NTAN1: variants seen among roughly 807,000 people sequenced by gnomAD.
NTAN1 encodes protein N-terminal asparagine amidohydrolase.
Under a neutral mutation model 41.9 loss-of-function variants are expected in NTAN1, and 32 were observed. That is an observed-to-expected ratio of 0.76 (90% confidence interval 0.58 to 1.03). NTAN1 has a LOEUF of 1.03. NTAN1 is among the 50% of genes least tolerant of loss of function. The probability of loss-of-function intolerance (pLI) is 0.00; values close to 1 mark genes in which losing one functional copy is unlikely to be tolerated. For missense variants in NTAN1, 377 were observed against 377.5 expected, an observed-to-expected ratio of 1.00 and a Z score of 0.01; for synonymous variants, 140 against 139.5, an observed-to-expected ratio of 1.00 and a Z score of -0.03.
intron 7 of NTAN1, chr16:15,040,335 C>T (rs1237865309): frequency 2.6e-6 from 1 of 390,848 alleles, no homozygotes; most frequent in African/African-American, 2.1e-5. Flanking sequence ...GCCATTCCTT[C>T]AGTCGGACAT....
intron 1 of NTAN1, among the ~76,000 whole-genome samples, chr16:15,051,135 G>C (rs1287695013): frequency 1.3e-5 from 2 of 152,232 alleles, no homozygotes; most frequent in African/African-American, 4.8e-5. Flanking sequence ...GGGAAGGGAA[G>C]AGAAGGGAGG....
chr16:15,040,216 G>T, intron 7 of NTAN1, 150 bp from the exon 8 acceptor site: 1 of 445,276 alleles, frequency 2.2e-6, no homozygotes, highest in Non-Finnish European at 4.0e-6. Flanking sequence ...TCCCTGGAGG[G>T]GGAAAATGCA....
chr16:15,048,106 A>G lies in NTAN1; in HGVS notation c.82-7T>C. On this transcript the variant is annotated splice_polypyrimidine_tract_variant and splice_region_variant and intron_variant, in intron 1 of 9. Coordinates refer to ENST00000287706, the MANE Select transcript of NTAN1 (RefSeq NM_173474.4). ...TGAGAAGTCTGGCTCTTTCCTGTTT[A>G]ATTAAAAAAAAAATAAAATAGTGAT... 1.3e-6 allele frequency: 2 copies of G among 1,551,976 alleles called. No individual in the cohort carries two copies. The highest frequency in any genetic ancestry group is 1.8e-6 in the Non-Finnish European group (2 of 1,137,352).
intron 7 of NTAN1, among the ~76,000 whole-genome samples, chr16:15,040,829 A>G (rs1240430615): frequency 1.3e-5 from 2 of 152,040 alleles, no homozygotes; most frequent in Admixed American, 6.6e-5. Flanking sequence ...TGTCCTTTCT[A>G]TTTGCTACCA....
rs775539900 is a variant in NTAN1 at position 15,039,998 on chromosome 16, G to A, written c.610C>T (p.Arg204Cys). The change falls in exon 8 of 10, where the codon CGT becomes TGT. Residue 204 changes from arginine to cysteine, a missense_variant. Arg to Cys is a radical substitution (Grantham distance 180, BLOSUM62 -3). Transcript: ENST00000287706. ...FQDRGPEEQL[R>C]AARTLAGGPM... ...CCTCCTGCTAAAGTTCGCGCAGCAC[G>A]AAGCTGCTCCTCCGGACCCCGATCT... The A allele has an allele frequency of 3.1e-6, 5 of 1,609,734 alleles. No individual in the cohort carries two copies. The highest frequency in any genetic ancestry group is 1.3e-5 in the African/African-American group (1 of 74,754).
At chr16:15,054,060 C>G (rs1053218047) in intron 1 of NTAN1, among the ~76,000 whole-genome samples, 4 of 152,336 alleles carry the variant, frequency 2.6e-5, no homozygotes, top group African/African-American at 9.6e-5. Context: ...CCATGCTTCC[C>G]CTCCTCACCC....
chr16:15,040,116 A>G (rs775422087), intron 7 of NTAN1, 50 bp from the exon 8 acceptor site: 1 of 1,007,034 alleles, frequency 9.9e-7, no homozygotes, highest in Admixed American at 1.8e-5. Flanking sequence ...CCAAAGCGGA[A>G]AGTCTGCACA....
chr16:15,043,227 A>G lies in NTAN1; in HGVS notation c.433+1107T>C, dbSNP rs764974080. Among the ~76,000 whole-genome samples the G allele has an allele frequency of 1.3e-4, 20 of 149,648 alleles. No homozygotes were observed. In the South Asian group the frequency reaches 1.5e-3, roughly 11 times the overall value. ...ATTTTTGTAATTTTAGTAGAGACAG[A>G]GTTTCACCATGTTGCCCAGGCTGGT... On this transcript the variant is annotated intron_variant, in intron 5 of 9. Coordinates refer to ENST00000287706, the MANE Select transcript of NTAN1 (RefSeq NM_173474.4).
At position 15,054,171 on chromosome 16, in the gene NTAN1, C is replaced by A. The variant is rs538248479; in HGVS notation, c.81+1720G>T. 3.3e-5 allele frequency among the ~76,000 whole-genome samples: 5 copies of A among 152,304 alleles called. No individual in the cohort carries two copies. The South Asian group carries it at 1.0e-3, about 32-fold the overall frequency. On this transcript the variant is annotated intron_variant, in intron 1 of 9. Transcript: ENST00000287706. ...CTTGCCCAGCTGCGATGCCCTCACC[C>A]TTCTTCTCCTTTTCAAATCTCTCTC...
At chr16:15,051,438 T>C (rs2044287050) in intron 1 of NTAN1, among the ~76,000 whole-genome samples, 1 of 152,182 alleles carries the variant, frequency 6.6e-6, no homozygotes, top group African/African-American at 2.4e-5. Context: ...CTGCAGCCTC[T>C]GGCCTCAAGC....
At chr16:15,049,244 G>T (rs916645048) in intron 1 of NTAN1, among the ~76,000 whole-genome samples, 1 of 152,106 alleles carries the variant, frequency 6.6e-6, no homozygotes, top group Non-Finnish European at 1.5e-5. Context: ...GCCCAGGCTG[G>T]TCTCAAACTC....
At chr16:15,046,866 C>A (rs1168874896) in intron 4 of NTAN1, among the ~76,000 whole-genome samples, 1 of 152,100 alleles carries the variant, frequency 6.6e-6, no homozygotes, top group East Asian at 1.9e-4. Flanking sequence ...CACAGCAAGA[C>A]CCTATCTCAA....
intron 6 of NTAN1, 64 bp from the exon 7 acceptor site, chr16:15,041,185 G>GTA (rs2043799019): frequency 1.8e-6 from 2 of 1,084,430 alleles, no homozygotes; most frequent in African/African-American, 3.1e-5. Context: ...TTTTTACTTT[G>GTA]TATAATAAAG....
chr16:15,048,511 C>A (rs981106870), intron 1 of NTAN1, among the ~76,000 whole-genome samples: 2 of 151,898 alleles, frequency 1.3e-5, no homozygotes, highest in Non-Finnish European at 2.9e-5. Context: ...TGACCCACCA[C>A]ACCCAGCTAT....
intron 1 of NTAN1, among the ~76,000 whole-genome samples, chr16:15,054,484 C>A (rs181904516): frequency 1.1e-4 from 17 of 152,284 alleles, no homozygotes; most frequent in Admixed American, 1.0e-3. Context: ...AATTATTTTT[C>A]CTTGGTGAGT....
intron 1 of NTAN1, among the ~76,000 whole-genome samples, chr16:15,053,440 GAC>G (rs1249108021): frequency 6.6e-6 from 1 of 152,104 alleles, no homozygotes; most frequent in Non-Finnish European, 1.5e-5. Flanking sequence ...ACATGAAAAA[GAC>G]ACATTATAAA....
Position 15,037,943 on chromosome 16 carries a change from CAGAT to C in NTAN1, c.*84_*87del. The C allele has an allele frequency of 1.2e-5, 11 of 903,946 alleles. No homozygotes were observed. The highest frequency in any genetic ancestry group is 9.9e-5 in the South Asian group (6 of 60,688). The allele number at this position is 903,946 out of a possible 1,614,324, so 56.0% of individuals were successfully genotyped here. A position where few individuals can be genotyped will look rare whatever the true frequency, so the allele number is the denominator to read the frequency against. On this transcript the variant is annotated 3_prime_UTR_variant, in exon 10 of 10. Coordinates refer to ENST00000287706, the MANE Select transcript of NTAN1 (RefSeq NM_173474.4). ...GGAGGGAAGGAGGCCTAAGACCCAA[CAGAT>C]GTAGGATCCAGATCTGGATTCGTGC...
chr16:15,044,224 A>G, intron 5 of NTAN1, 110 bp downstream of exon 5: 1 of 710,330 alleles, frequency 1.4e-6, no homozygotes, highest in Non-Finnish European at 2.5e-6. Context: ...GTGCTGCTCC[A>G]AGTGGGTGTG....
At chr16:15,038,334 G>C in intron 9 of NTAN1, 124 bp from the exon 10 acceptor site, 150 of 716,702 alleles carry the variant, frequency 2.1e-4, no homozygotes, top group Non-Finnish European at 2.9e-4. Flanking sequence ...AAGAAATGAG[G>C]TGGCCTGAAT....
Sources: gnomAD v4.1 joint callset for allele counts (sites outside exome capture counted in the v4.1 genomes callset) on GRCh38, gnomAD v4.1.1 for gene constraint, MANE v1.5 for transcripts, NCBI Gene and HGNC (gene_info 2026-07-23, HGNC 2026-07-21) for gene names.